IGF1R: variants seen among roughly 807,000 people sequenced by gnomAD.
The protein encoded by IGF1R is insulin like growth factor 1 receptor, also known as insulin-like growth factor 1 receptor.
A neutral mutation model predicts 144.6 loss-of-function variants in IGF1R; 44 were observed. The ratio of observed to expected loss-of-function variants is 0.30; its 90% CI spans 0.24 to 0.39. The LOEUF is 0.39. Ranked by LOEUF, IGF1R falls within the 10% of genes least tolerant of loss-of-function variation. The pLI is 1.00. For missense variants in IGF1R, 1,355 were observed against 1,833.7 expected, an observed-to-expected ratio of 0.74 and a Z score of 4.77; for synonymous variants, 795 against 722.8, an observed-to-expected ratio of 1.10 and a Z score of -1.60.
intron 1 of IGF1R, among the ~76,000 whole-genome samples, chr15:98,661,441 T>G (rs754921743): frequency 6.6e-6 from 1 of 152,082 alleles, no homozygotes; most frequent in Non-Finnish European, 1.5e-5. Flanking sequence ...AGGAGTGGGG[T>G]GGGATATTTC....
intron 2 of IGF1R, among the ~76,000 whole-genome samples, chr15:98,853,911 A>G (rs60571144): frequency 0.025 from 3,841 of 152,238 alleles, 171 homozygotes; most frequent in African/African-American, 0.087. Context: ...ACCTACTTAA[A>G]TCCCAGGAAA....
At chr15:98,750,689 G>T (rs2054989106) in intron 2 of IGF1R, among the ~76,000 whole-genome samples, 1 of 152,072 alleles carries the variant, frequency 6.6e-6, no homozygotes, top group East Asian at 1.9e-4. Flanking sequence ...AACTATTCAG[G>T]GTTAAAAATT....
intron 18 of IGF1R, among the ~76,000 whole-genome samples, chr15:98,941,954 G>A (rs1048365930): frequency 1.3e-5 from 2 of 152,172 alleles, no homozygotes; most frequent in Non-Finnish European, 2.9e-5. Flanking sequence ...ATTATAAAGC[G>A]AGCCTGCCAT....
rs1246894769 is a variant in IGF1R, at chr15:98,913,098, C to T, written c.1644C>T (p.Ser548=). The T allele has an allele frequency of 3.1e-6, 5 of 1,614,074 alleles. No individual in the cohort carries two copies. The highest frequency in any genetic ancestry group is 4.2e-6 in the Non-Finnish European group (5 of 1,180,022). The change falls in exon 8 of 21, where the codon AGC becomes AGT. Residue 548 remains serine, a synonymous_variant. Coordinates refer to ENST00000650285, the MANE Select transcript of IGF1R (RefSeq NM_000875.5). ...YDGQDACGSN[S]WNMVDVDLPP... ...GGCAGGATGCCTGCGGCTCCAACAG[C>T]TGGAACATGGTGGACGTGGACCTCC...
intron 2 of IGF1R, among the ~76,000 whole-genome samples, chr15:98,805,657 G>T (rs1188156971): frequency 6.6e-6 from 1 of 152,130 alleles, no homozygotes; most frequent in East Asian, 1.9e-4. Flanking sequence ...ATTTGTTTTG[G>T]TTGTCTTGTT....
intron 2 of IGF1R, among the ~76,000 whole-genome samples, chr15:98,872,290 C>T (rs776687814): frequency 3.9e-5 from 6 of 152,116 alleles, no homozygotes; most frequent in Admixed American, 2.0e-4. Context: ...GCCACATAGC[C>T]CTCCCCTGGA....
chr15:98,913,803 T>C (rs917314944), intron 8 of IGF1R, among the ~76,000 whole-genome samples: 2 of 152,316 alleles, frequency 1.3e-5, no homozygotes, highest in Admixed American at 1.3e-4. Flanking sequence ...TATCTTTAGG[T>C]TCTAAACCAT....
In IGF1R at chr15:98,961,846, G is replaced by A. The variant is rs547490763; in HGVS notation, c.*4404G>A. The A allele has an allele frequency of 3.4e-5, 8 of 233,304 alleles. No individual in the cohort carries two copies. The highest frequency in any genetic ancestry group is 1.8e-4 in the South Asian group (1 of 5,532). The allele number at this position is 233,304 out of a possible 1,614,324, so 14.5% of individuals were successfully genotyped here. On this transcript the variant is annotated 3_prime_UTR_variant, in exon 21 of 21. Coordinates refer to ENST00000650285, the MANE Select transcript of IGF1R (RefSeq NM_000875.5). ...AAGATGGAAGACCGTGTTCGTGGCC[G>A]ACCTGGCCTCTCCTGGCCTGTTTCT...
intron 12 of IGF1R, 147 bp from the exon 13 acceptor site, chr15:98,924,378 T>G: frequency 1.2e-6 from 1 of 834,820 alleles, no homozygotes; most frequent in Admixed American, 1.7e-5. Context: ...AAGATTTGAT[T>G]TCTTTGTCTT....
intron 2 of IGF1R, among the ~76,000 whole-genome samples, chr15:98,861,055 C>CT (rs2012123716): frequency 6.9e-6 from 1 of 145,758 alleles, no homozygotes; most frequent in South Asian, 2.3e-4. Flanking sequence ...ATCTATGTCT[C>CT]TGTCTTTCTC....
At chr15:98,736,565 G>A (rs2054612803) in intron 2 of IGF1R, among the ~76,000 whole-genome samples, 1 of 151,820 alleles carries the variant, frequency 6.6e-6, no homozygotes, top group African/African-American at 2.4e-5. Context: ...GCTTTGCAAG[G>A]GGGCTGCATA....
At chr15:98,753,126 G>T (rs1189202139) in intron 2 of IGF1R, among the ~76,000 whole-genome samples, 1 of 151,562 alleles carries the variant, frequency 6.6e-6, no homozygotes, top group Non-Finnish European at 1.5e-5. Context: ...TAGAGACAGG[G>T]TTTCACCATG....
intron 2 of IGF1R, among the ~76,000 whole-genome samples, chr15:98,855,905 G>A (rs1253896771): frequency 6.6e-6 from 1 of 152,228 alleles, no homozygotes; most frequent in Non-Finnish European, 1.5e-5. Context: ...CCAGCCCCGT[G>A]ATGCTGGTGC....
At chr15:98,771,861 C>A (rs1184779415) in intron 2 of IGF1R, among the ~76,000 whole-genome samples, 1 of 151,948 alleles carries the variant, frequency 6.6e-6, no homozygotes, top group South Asian at 2.1e-4. Context: ...TACTGACATT[C>A]AAGCTGAGTT....
Position 98,913,295 on chromosome 15 carries a change from A to C in IGF1R, c.1828+13A>C. 6.3e-7 allele frequency: 1 copy of C among 1,598,288 alleles called. No homozygotes were observed. On this transcript the variant is annotated intron_variant, in intron 8 of 20. Transcript: ENST00000650285. ...ACCAATGCTTCAGGTATCCATGCCT[A>C]GACAAGCCCCCAGCATCCACACTTC...
rs563327279 is a variant in IGF1R at position 98,915,833 on chromosome 15, T to C, written c.1829-131T>C. 1.1e-5 allele frequency: 9 copies of C among 835,496 alleles called. No homozygotes were observed. In the East Asian group the frequency reaches 1.5e-4, roughly 14 times the overall value. The allele number at this position is 835,496 out of a possible 1,614,324, so 51.8% of individuals were successfully genotyped here. A position where few individuals can be genotyped will look rare whatever the true frequency, so the allele number is the denominator to read the frequency against. On this transcript the variant is annotated intron_variant, in intron 8 of 20. Transcript: ENST00000650285. Reference sequence around the variant, plus strand: ...AAAATAAGGTTCACTTTTCACTTTGTATTTCATTGTTCATTGTTATTTTCT... The same window carrying C: ...AAAATAAGGTTCACTTTTCACTTTGCATTTCATTGTTCATTGTTATTTTCT...
At chr15:98,759,861 T>C (rs2055249084) in intron 2 of IGF1R, among the ~76,000 whole-genome samples, 1 of 152,174 alleles carries the variant, frequency 6.6e-6, no homozygotes, top group Admixed American at 6.5e-5. Context: ...TGCAGAATTA[T>C]TTTATTTTGC....
chr15:98,846,695 C>T (rs2011341239), intron 2 of IGF1R, among the ~76,000 whole-genome samples: 1 of 152,168 alleles, frequency 6.6e-6, no homozygotes, highest in South Asian at 2.1e-4. Context: ...CCCAGTTCAT[C>T]GAGAGGGGCA....
At position 98,807,314 on chromosome 15, in the gene IGF1R, G is replaced by A. The variant is rs77763972; in HGVS notation, c.641-84011G>A. On this transcript the variant is annotated intron_variant, in intron 2 of 20. Transcript: ENST00000650285. ...AATAGATGAACCAGATCGTGTACAT[G>A]TGGGACACGTTCTTTGTCCTTTGGG... Among the ~76,000 whole-genome samples the A allele has an allele frequency of 1.3e-3, 205 of 152,356 alleles. 1 individual carries two copies. The highest frequency in any genetic ancestry group is 6.8e-3 in the Middle Eastern group (2 of 294).
Sources: gnomAD v4.1 joint callset for allele counts (sites outside exome capture counted in the v4.1 genomes callset) on GRCh38, gnomAD v4.1.1 for gene constraint, MANE v1.5 for transcripts, NCBI Gene and HGNC (gene_info 2026-07-23, HGNC 2026-07-21) for gene names.